NKAIN2: variants seen among roughly 807,000 people sequenced by gnomAD.
NKAIN2 encodes the protein sodium/potassium transporting ATPase interacting 2, also known as sodium/potassium-transporting ATPase subunit beta-1-interacting protein 2.
Under a neutral mutation model 32.6 loss-of-function variants are expected in NKAIN2, and 14 were observed. The ratio of observed to expected loss-of-function variants is 0.43; its 90% CI spans 0.28 to 0.67. NKAIN2 has a LOEUF of 0.67. NKAIN2 is among the 30% of genes least tolerant of loss of function. The probability of loss-of-function intolerance (pLI) is 0.17; values close to 1 mark genes in which losing one functional copy is unlikely to be tolerated. For synonymous variants in NKAIN2, 80 were observed against 87.2 expected (o/e 0.92, Z 0.46); for missense variants, 198 against 258.3 (o/e 0.77, Z 1.60).
At chr6:124,444,697 A>G (rs946727361) in intron 3 of NKAIN2, among the ~76,000 whole-genome samples, 3 of 152,032 alleles carry the variant, frequency 2.0e-5, no homozygotes, top group African/African-American at 7.2e-5. Context: ...AGCATATTAA[A>G]TATAAGAACA....
At chr6:124,400,819 C>G (rs1018119152) in intron 3 of NKAIN2, among the ~76,000 whole-genome samples, 8 of 152,132 alleles carry the variant, frequency 5.3e-5, no homozygotes, top group Non-Finnish European at 1.0e-4. Flanking sequence ...CATCCCAGAA[C>G]CCTTCCATGC....
At position 124,328,013 on chromosome 6, in the gene NKAIN2, C is replaced by T. The variant is rs1032876889; in HGVS notation, c.193-27254C>T. Reference sequence around the variant, plus strand: ...ACTTTGTAAAACATTGGATTATCATCGCTTCCTTTACAGTGGTGGAAACTT... The same window carrying T: ...ACTTTGTAAAACATTGGATTATCATTGCTTCCTTTACAGTGGTGGAAACTT... On this transcript the variant is annotated intron_variant, in intron 2 of 6. Transcript: ENST00000368417. Among the ~76,000 whole-genome samples the T allele has an allele frequency of 3.9e-5, 6 of 152,230 alleles. No individual in the cohort carries two copies. The South Asian group carries it at 1.2e-3, about 32-fold the overall frequency.
intron 1 of NKAIN2, among the ~76,000 whole-genome samples, chr6:124,256,948 G>T (rs539486662): frequency 5.3e-5 from 7 of 132,014 alleles, no homozygotes; most frequent in African/African-American, 2.1e-4. Flanking sequence ...CAAACAACGT[G>T]CAAAAGCTAT....
At chr6:124,355,141 G>C (rs999996968) in intron 2 of NKAIN2, 126 bp from the exon 3 acceptor site, 12 of 624,274 alleles carry the variant, frequency 1.9e-5, no homozygotes, top group Non-Finnish European at 3.2e-5. Context: ...CTGTTCCTTA[G>C]AGAGAAGCAA....
chr6:124,711,396 T>A (rs992028272), intron 4 of NKAIN2, among the ~76,000 whole-genome samples: 1 of 135,168 alleles, frequency 7.4e-6, no homozygotes, highest in African/African-American at 2.9e-5. Flanking sequence ...TTCTCCTGGA[T>A]AATATCCTGC....
At chr6:124,448,010 A>G (rs1329109914) in intron 3 of NKAIN2, among the ~76,000 whole-genome samples, 3 of 152,108 alleles carry the variant, frequency 2.0e-5, no homozygotes, top group African/African-American at 7.2e-5. Context: ...TCTCTAGAGC[A>G]TGGATGTATT....
intron 3 of NKAIN2, among the ~76,000 whole-genome samples, chr6:124,364,927 G>A (rs1031863514): frequency 1.3e-5 from 2 of 151,904 alleles, no homozygotes; most frequent in Admixed American, 1.3e-4. Flanking sequence ...GTAGAAAGGA[G>A]CTAAAGTGTT....
At position 123,831,912 on chromosome 6, in the gene NKAIN2, G is replaced by C. The variant is rs541861830; in HGVS notation, c.54+27658G>C. On this transcript the variant is annotated intron_variant, in intron 1 of 6. Coordinates refer to ENST00000368417, the MANE Select transcript of NKAIN2 (RefSeq NM_001040214.3). ...CTCGTGATCCGCCCGCCTCGGCCTT[G>C]CAAAGTGCTGGGATTACAGGCGTGA... 6.4e-4 allele frequency among the ~76,000 whole-genome samples: 98 copies of C among 152,122 alleles called. 1 individual carries two copies. The highest frequency in any genetic ancestry group is 4.9e-4 in the Non-Finnish European group (33 of 68,000).
chr6:124,551,720 C>G (rs1221282240), intron 3 of NKAIN2, among the ~76,000 whole-genome samples: 1 of 152,144 alleles, frequency 6.6e-6, no homozygotes, highest in Non-Finnish European at 1.5e-5. Flanking sequence ...GAAAACATTT[C>G]CTGTATCCCA....
At chr6:123,909,208 C>T (rs1389201970) in intron 1 of NKAIN2, among the ~76,000 whole-genome samples, 1 of 152,062 alleles carries the variant, frequency 6.6e-6, no homozygotes, top group African/African-American at 2.4e-5. Context: ...CCCTATCTAC[C>T]ATCAATAGCC....
At chr6:124,140,791 A>G (rs1787097120) in intron 1 of NKAIN2, among the ~76,000 whole-genome samples, 1 of 152,246 alleles carries the variant, frequency 6.6e-6, no homozygotes, top group Non-Finnish European at 1.5e-5. Context: ...AACTGTAGAA[A>G]GAGCAGAGGA....
intron 4 of NKAIN2, among the ~76,000 whole-genome samples, chr6:124,741,688 G>T (rs1196995075): frequency 1.3e-5 from 2 of 151,788 alleles, no homozygotes; most frequent in Non-Finnish European, 2.9e-5. Context: ...GTTCTGTATT[G>T]TACCCTCATA....
chr6:124,259,082 C>T (rs1309331383), intron 1 of NKAIN2, among the ~76,000 whole-genome samples: 2 of 152,122 alleles, frequency 1.3e-5, no homozygotes, highest in Non-Finnish European at 2.9e-5. Flanking sequence ...AGGGGTTTAC[C>T]TCAGTACACC....
chr6:124,234,068 C>A (rs1792607999), intron 1 of NKAIN2, among the ~76,000 whole-genome samples: 1 of 152,106 alleles, frequency 6.6e-6, no homozygotes, highest in South Asian at 2.1e-4. Flanking sequence ...AGACATTTAT[C>A]AAGGCACCCC....
intron 1 of NKAIN2, among the ~76,000 whole-genome samples, chr6:124,267,645 A>G (rs1382174219): frequency 2.6e-5 from 4 of 152,226 alleles, no homozygotes; most frequent in Non-Finnish European, 5.9e-5. Flanking sequence ...CAATAAAGAT[A>G]CAATAAACTT....
chr6:124,058,172 A>G (rs957090920), intron 1 of NKAIN2, among the ~76,000 whole-genome samples: 3 of 150,520 alleles, frequency 2.0e-5, no homozygotes, highest in African/African-American at 7.3e-5. Flanking sequence ...TAGAAATTGA[A>G]AGCATTGTTT....
chr6:124,561,461 G>A (rs1024079910), intron 3 of NKAIN2, among the ~76,000 whole-genome samples: 29 of 152,150 alleles, frequency 1.9e-4, no homozygotes, highest in African/African-American at 7.0e-4. Context: ...TTGCAATCTG[G>A]TCTGTGGGAA....
In NKAIN2 at chr6:124,823,302, T is replaced by G; in HGVS notation, c.*73T>G. 1 of 1,033,944 alleles carries G rather than the reference T, an allele frequency of 9.7e-7. No homozygotes were observed. The highest frequency in any genetic ancestry group is 2.4e-5 in the East Asian group (1 of 42,306). 64.0% of individuals were successfully genotyped at this position (1,033,944 alleles called of 1,614,324 possible). ...TTTCGCAGTGGCCTCCTGCATTTCATGAAGAGCAAGAAGCAACTGAGTTTA... is the reference window on the plus strand; with the variant it reads ...TTTCGCAGTGGCCTCCTGCATTTCAGGAAGAGCAAGAAGCAACTGAGTTTA... On this transcript the variant is annotated 3_prime_UTR_variant, in exon 7 of 7. Transcript: ENST00000368417.
intron 4 of NKAIN2, among the ~76,000 whole-genome samples, chr6:124,759,564 C>G (rs993587024): frequency 5.5e-5 from 8 of 146,084 alleles, no homozygotes; most frequent in Non-Finnish European, 1.2e-4. Context: ...AAGTCTGCCC[C>G]CTAGCCACCC....
Sources: gnomAD v4.1 joint callset for allele counts (sites outside exome capture counted in the v4.1 genomes callset) on GRCh38, gnomAD v4.1.1 for gene constraint, MANE v1.5 for transcripts, NCBI Gene and HGNC (gene_info 2026-07-23, HGNC 2026-07-21) for gene names.